PKHD1: variants seen among roughly 807,000 people sequenced by gnomAD.
The protein encoded by PKHD1 is PKHD1 ciliary IPT domain containing fibrocystin/polyductin, also known as fibrocystin.
PKHD1 carries 291 observed loss-of-function variants against 412.0 expected under a neutral mutation model. The ratio of observed to expected loss-of-function variants is 0.71; its 90% CI spans 0.64 to 0.78. The LOEUF is 0.78. PKHD1 is among the 30% of genes least tolerant of loss of function. The pLI is 0.00. For missense variants in PKHD1, 4,825 were observed against 4,950.7 expected (o/e 0.97, Z 0.76); for synonymous variants, 1,777 against 1,821.5 (o/e 0.98, Z 0.62).
Position 52,080,006 on chromosome 6 carries a change from G to T in PKHD1, c.284C>A (p.Ser95Tyr). 6.4e-7 allele frequency: 1 copy of T among 1,564,398 alleles called. No homozygotes were observed. The highest frequency in any genetic ancestry group is 8.8e-7 in the Non-Finnish European group (1 of 1,134,740). ...ACCCTCATGTGCTTCAGACAGCACAGATCTGAGGACAGAAAGTGGAAATCC... is the reference window on the plus strand; with the variant it reads ...ACCCTCATGTGCTTCAGACAGCACATATCTGAGGACAGAAAGTGGAAATCC... ...DLPVVTCRTR[S>Y]VLSEAHEGLY... The change falls in exon 5 of 67, where the codon TCT becomes TAT. Residue 95 changes from serine (S) to tyrosine (Y), a missense_variant and splice_region_variant. By Grantham distance (144) the Ser-to-Tyr change is moderately radical. Transcript: ENST00000371117.
intron 55 of PKHD1, among the ~76,000 whole-genome samples, chr6:51,771,017 T>TA (rs1334137241): frequency 6.6e-6 from 1 of 152,096 alleles, no homozygotes; most frequent in Non-Finnish European, 1.5e-5. Flanking sequence ...AATTCTGCCT[T>TA]AAGACGGCAA....
chr6:52,013,186 A>C (rs951159160), intron 34 of PKHD1, among the ~76,000 whole-genome samples: 7 of 152,178 alleles, frequency 4.6e-5, no homozygotes, highest in African/African-American at 1.7e-4. Context: ...CACTTGCCTC[A>C]TAAACCTTCT....
At chr6:52,075,972 T>C (rs529079835) in intron 6 of PKHD1, among the ~76,000 whole-genome samples, 1 of 152,294 alleles carries the variant, frequency 6.6e-6, no homozygotes, top group Admixed American at 6.5e-5. Context: ...GGAATGATTA[T>C]AAAGTTAAAA....
chr6:51,874,758 C>G (rs907792426), intron 46 of PKHD1, among the ~76,000 whole-genome samples: 1 of 146,096 alleles, frequency 6.8e-6, no homozygotes, highest in Non-Finnish European at 1.5e-5. Context: ...GAAACTCCGT[C>G]TGTACTAAAA....
intron 27 of PKHD1, among the ~76,000 whole-genome samples, chr6:52,039,495 G>C (rs1804486885): frequency 6.6e-6 from 1 of 152,164 alleles, no homozygotes; most frequent in Admixed American, 6.6e-5. Context: ...TGCCATGACT[G>C]TAAGTTTCCT....
intron 60 of PKHD1, among the ~76,000 whole-genome samples, chr6:51,714,033 G>GAAGAGCA (rs1780955391): frequency 6.6e-6 from 1 of 152,084 alleles, no homozygotes; most frequent in Non-Finnish European, 1.5e-5. Context: ...CAAGCACTAT[G>GAAGAGCA]CTCTTCCTCA....
Position 51,659,006 on chromosome 6 carries a change from T to C in PKHD1, c.11120A>G (p.Asn3707Ser), listed in dbSNP as rs1426886491. The change falls in exon 61 of 67, where the codon AAT (asparagine) becomes AGT (serine). Residue 3707 changes from asparagine to serine, a missense_variant. By Grantham distance (46) the Asn-to-Ser change is conservative. Coordinates refer to ENST00000371117, the MANE Select transcript of PKHD1 (RefSeq NM_138694.4). ...QQTGVLENVLNMTIGALLVTQ... is the reference protein window; with the variant it reads ...QQTGVLENVLSMTIGALLVTQ... ...AACTAGTAAGGCCCCGATAGTCATA[T>C]TCAGAACATTCTCTAGTACCCCAGT... 6.2e-7 allele frequency: 1 copy of C among 1,613,310 alleles called. No individual in the cohort carries two copies. The highest frequency in any genetic ancestry group is 1.7e-5 in the Admixed American group (1 of 59,952).
At chr6:51,763,993 A>T (rs1788496219) in intron 55 of PKHD1, among the ~76,000 whole-genome samples, 1 of 149,974 alleles carries the variant, frequency 6.7e-6, no homozygotes, top group Admixed American at 6.7e-5. Context: ...GTACATGTGC[A>T]CATTGTGCAG....
rs1799652964 is a variant in PKHD1, at chr6:52,010,383, C to G, written c.5677G>C (p.Glu1893Gln). 4 of 1,611,976 alleles carry G rather than the reference C, an allele frequency of 2.5e-6. No individual in the cohort carries two copies. The highest frequency in any genetic ancestry group is 1.3e-5 in the African/African-American group (1 of 74,840). ...ATTGGCTGATTGGGCGTCTCACACT[C>G]CATCTCTGCCTCAGTTTCCATGGTA... is the stretch of plus-strand genomic sequence containing the variant. ...NITMETEAEM[E>Q]CETPNQPITV... The change falls in exon 35 of 67, where the codon GAG becomes CAG. Residue 1893 changes from glutamate to glutamine, a missense_variant. By Grantham distance (29) the Glu-to-Gln change is conservative. Transcript: ENST00000371117.
At chr6:51,905,664 A>G (rs903861345) in intron 41 of PKHD1, among the ~76,000 whole-genome samples, 1 of 152,162 alleles carries the variant, frequency 6.6e-6, no homozygotes, top group Admixed American at 6.6e-5. Flanking sequence ...TTGGGATTCT[A>G]TTTTAAAAGC....
intron 60 of PKHD1, among the ~76,000 whole-genome samples, chr6:51,671,362 C>A (rs1213311597): frequency 6.6e-6 from 1 of 152,216 alleles, no homozygotes; most frequent in African/African-American, 2.4e-5. Flanking sequence ...GTTCCGCATT[C>A]TTCACGTAGT....
chr6:51,961,198 C>T lies in PKHD1; in HGVS notation c.5752-1172G>A, dbSNP rs552589288. Among the ~76,000 whole-genome samples, 19 of 152,224 alleles carry T rather than the reference C, an allele frequency of 1.2e-4. No individual in the cohort carries two copies. In the South Asian group the frequency reaches 3.7e-3, roughly 30 times the overall value. On this transcript the variant is annotated intron_variant, in intron 35 of 66. Coordinates refer to ENST00000371117, the MANE Select transcript of PKHD1 (RefSeq NM_138694.4). ...TTTGTAATACCGACAACTACACCTA[C>T]ACAGAGAATAGTGCTCTATAGTATT...
chr6:52,033,892 G>T (rs1803484511), intron 28 of PKHD1, among the ~76,000 whole-genome samples: 1 of 152,012 alleles, frequency 6.6e-6, no homozygotes, highest in Non-Finnish European at 1.5e-5. Context: ...ATTTTGGGAG[G>T]CCGAGGCGGG....
At position 51,619,410 on chromosome 6, in the gene PKHD1, C is replaced by A. The variant is rs752845771; in HGVS notation, c.11896G>T (p.Ala3966Ser). ...CCAGTAGTACCAGGAGCAGGCACAG[C>A]AGCCTCTTCCTCTCGGACAATGTGG... ...SRHIVREEEA[A>S]VPAPGTTGIT... The change falls in exon 67 of 67, where the codon GCT becomes TCT. Residue 3966 changes from alanine (A) to serine (S), a missense_variant. Ala to Ser is a moderately conservative substitution (Grantham distance 99). Coordinates refer to ENST00000371117, the MANE Select transcript of PKHD1 (RefSeq NM_138694.4). The A allele has an allele frequency of 6.2e-7, 1 of 1,613,456 alleles. No individual in the cohort carries two copies. The highest frequency in any genetic ancestry group is 1.7e-5 in the Admixed American group (1 of 59,990).
intron 4 of PKHD1, 80 bp downstream of exon 4, chr6:52,082,312 T>TC: frequency 1.4e-6 from 2 of 1,415,912 alleles, no homozygotes; most frequent in South Asian, 2.3e-5. Flanking sequence ...CAAAAATTGC[T>TC]CTAATATGTC....
At chr6:52,078,900 T>C (rs1477761781) in intron 5 of PKHD1, among the ~76,000 whole-genome samples, 1 of 152,236 alleles carries the variant, frequency 6.6e-6, no homozygotes, top group Non-Finnish European at 1.5e-5. Context: ...GAAAACAAGA[T>C]TCTCTTGGAT....
chr6:51,748,605 A>G lies in PKHD1; in HGVS notation c.9011T>C (p.Val3004Ala). Residue 3004 changes from valine to alanine, a missense_variant, in exon 58 of 67, where the codon GTT becomes GCT. Physicochemically the swap from Val to Ala is moderately conservative, Grantham distance 64. Coordinates refer to ENST00000371117, the MANE Select transcript of PKHD1 (RefSeq NM_138694.4). ...QNFGSPLYSS[V>A]EFSNVSAGSW... Reference sequence around the variant, plus strand: ...TCCTGCTGACACATTACTGAATTCAACAGATGAGTACAATGGTGACCCGAA... The same window carrying G: ...TCCTGCTGACACATTACTGAATTCAGCAGATGAGTACAATGGTGACCCGAA... The G allele has an allele frequency of 6.2e-7, 1 of 1,613,436 alleles. No individual in the cohort carries two copies. The highest frequency in any genetic ancestry group is 8.5e-7 in the Non-Finnish European group (1 of 1,179,432).
intron 51 of PKHD1, among the ~76,000 whole-genome samples, chr6:51,832,382 T>A (rs1326603): frequency 0.44 from 67,343 of 151,700 alleles, 16,053 homozygotes; most frequent in Middle Eastern, 0.61. Flanking sequence ...GAGGCAAAAA[T>A]TGGGAAGTCA....
At chr6:51,791,400 A>G (rs373708866) in intron 52 of PKHD1, 27 bp from the exon 53 acceptor site, 37 of 1,610,088 alleles carry the variant, frequency 2.3e-5, no homozygotes, top group Non-Finnish European at 2.0e-5. Context: ...AATTGCTCAG[A>G]TATGTCACAA....
Sources: gnomAD v4.1 joint callset for allele counts (sites outside exome capture counted in the v4.1 genomes callset) on GRCh38, gnomAD v4.1.1 for gene constraint, MANE v1.5 for transcripts, NCBI Gene and HGNC (gene_info 2026-07-23, HGNC 2026-07-21) for gene names.